THBS2: variants seen among roughly 807,000 people sequenced by gnomAD.
The protein encoded by THBS2 is thrombospondin 2.
THBS2 carries 47 observed loss-of-function variants against 135.2 expected under a neutral mutation model. The observed-to-expected ratio is 0.35, with a 90% CI of 0.28 to 0.44. THBS2 has a LOEUF of 0.44. Among genes scored for constraint, THBS2 ranks in the 20% least tolerant of loss-of-function variants. The pLI is 1.00. For synonymous variants in THBS2, 639 were observed against 633.8 expected, an observed-to-expected ratio of 1.01 and a Z score of -0.12; for missense variants, 1,288 against 1,603.1, an observed-to-expected ratio of 0.80 and a Z score of 3.36.
chr6:169,221,524 G>A lies in THBS2; in HGVS notation c.3277C>T (p.Arg1093Ter). The change falls in exon 20 of 22, where the codon CGA becomes TGA. Residue 1093 changes from arginine (R) to a stop codon, truncating the protein, a stop_gained. Transcript: ENST00000617924. LOFTEE classifies it high-confidence loss of function. ...TTCCTGGGGTCGTGCCATAAGGTTCGCACCTGAGAGAGAACATAGCACTCT... is the reference window on the plus strand; with the variant it reads ...TTCCTGGGGTCGTGCCATAAGGTTCACACCTGAGAGAGAACATAGCACTCT... ...WHTGNTPGQV[R>*]TLWHDPRNIG... 6.2e-7 allele frequency: 1 copy of A among 1,613,826 alleles called. No homozygotes were observed. Among genetic ancestry groups the A allele is most frequent in the Non-Finnish European group, 8.5e-7 (1 of 1,179,988 alleles).
At chr6:169,239,415 T>G (rs1780214317) in intron 7 of THBS2, 184 bp downstream of exon 7, 4 of 608,758 alleles carry the variant, frequency 6.6e-6, no homozygotes, top group Non-Finnish European at 1.1e-5. Flanking sequence ...TCCACACTCC[T>G]TTCTAGCCAT....
chr6:169,241,915 C>A lies in THBS2; in HGVS notation c.738G>T (p.Leu246=), dbSNP rs754237482. 6.3e-5 allele frequency: 101 copies of A among 1,611,772 alleles called. 5 individuals carry two copies. In the South Asian group the frequency reaches 1.1e-3, roughly 18 times the overall value. Residue 246 remains leucine, a synonymous_variant, in exon 5 of 22, where the codon CTG becomes CTT. Transcript: ENST00000617924. The surrounding 1 kb of genome is among the most constrained non-coding windows in gnomAD (Gnocchi z 5.5). ...AISENTETLR[L]GPHVTTEYVG... is the part of the protein sequence containing the mutation. ...CGTACTCGGTGGTGACATGCGGACC[C>A]AGGCGCAGCGTCTCTGTGTTCTCAC... is the stretch of plus-strand genomic sequence containing the variant.
intron 4 of THBS2, among the ~76,000 whole-genome samples, chr6:169,243,188 TC>T (rs1169557604): frequency 3.3e-5 from 3 of 89,824 alleles, no homozygotes; most frequent in East Asian, 4.1e-4. Context: ...CCTTCCCACC[TC>T]TCCCACCTTC....
Position 169,248,568 on chromosome 6 carries a change from G to A in THBS2, c.458C>T (p.Thr153Ile). The change falls in exon 3 of 22, where the codon ACC becomes ATC. Residue 153 changes from threonine to isoleucine, a missense_variant. By Grantham distance (89) the Thr-to-Ile change is moderately conservative. Around this residue, in one of 2 missense-constraint regions of THBS2, gnomAD observed 414 missense variants for 447.0 expected, o/e 0.93. Coordinates refer to ENST00000617924, the MANE Select transcript of THBS2 (RefSeq NM_003247.5). Reference protein sequence around the residue: ...GLADSQWKNVTVQVAGETYSL... With the variant: ...GLADSQWKNVIVQVAGETYSL... The stretch of plus-strand genomic sequence containing the variant: ...GTAGGTCTCGCCAGCCACCTGCACG[G>A]TGACGTTCTTCCACTGCGAGTCAGC... 6.2e-7 allele frequency: 1 copy of A among 1,614,006 alleles called. No homozygotes were observed.
At chr6:169,223,513 A>G (rs1329147534) in intron 17 of THBS2, 38 bp from the exon 18 acceptor site, 3 of 1,585,174 alleles carry the variant, frequency 1.9e-6, no homozygotes, top group South Asian at 2.2e-5. Context: ...AAACAAAAAC[A>G]AAGAAGCAAA....
In THBS2 at chr6:169,241,633, G is replaced by C; in HGVS notation, c.891+129C>G. ...GAGGAGCCCGGCAGACACCTCCCCTGTGAACTGTGGGTTTTTACATCGAGC... is the reference window on the plus strand; with the variant it reads ...GAGGAGCCCGGCAGACACCTCCCCTCTGAACTGTGGGTTTTTACATCGAGC... On this transcript the variant is annotated intron_variant, in intron 5 of 21. Coordinates refer to ENST00000617924, the MANE Select transcript of THBS2 (RefSeq NM_003247.5). The surrounding 1 kb of genome is among the most constrained non-coding windows in gnomAD (Gnocchi z 5.5). 1 of 955,548 alleles carries C rather than the reference G, an allele frequency of 1.0e-6. No individual in the cohort carries two copies. The highest frequency in any genetic ancestry group is 1.6e-6 in the Non-Finnish European group (1 of 642,928). The allele number at this position is 955,548 out of a possible 1,614,324, so 59.2% of individuals were successfully genotyped here. A position where few individuals can be genotyped will look rare whatever the true frequency, so the allele number is the denominator to read the frequency against.
Position 169,234,834 on chromosome 6 carries a change from G to A in THBS2, c.1551C>T (p.Arg517=), listed in dbSNP as rs139715998. The A allele has an allele frequency of 1.9e-6, 3 of 1,613,128 alleles. No individual in the cohort carries two copies. The highest frequency in any genetic ancestry group is 2.7e-5 in the African/African-American group (2 of 74,904). ...GCTCAGGGCTGTTGCAGACCCGGGTGCGCTCCCGGATCCCACCGGCACAGG... is the reference window on the plus strand; with the variant it reads ...GCTCAGGGCTGTTGCAGACCCGGGTACGCTCCCGGATCCCACCGGCACAGG... The part of the protein sequence containing the change: ...TVTCAGGIRE[R]TRVCNSPEPQ... Residue 517 remains arginine (R), a synonymous_variant, in exon 10 of 22, where the codon CGC becomes CGT. Coordinates refer to ENST00000617924, the MANE Select transcript of THBS2 (RefSeq NM_003247.5).
intron 9 of THBS2, 29 bp downstream of exon 9, chr6:169,237,141 A>T: frequency 6.3e-7 from 1 of 1,581,098 alleles, no homozygotes; most frequent in Non-Finnish European, 8.6e-7. Context: ...AAGCCCGCCC[A>T]CCCAGGGCCC....
rs1197718316 is a variant in THBS2 at position 169,232,958 on chromosome 6, A to G, written c.1711T>C (p.Ser571Pro). 6.4e-7 allele frequency: 1 copy of G among 1,562,046 alleles called. No individual in the cohort carries two copies. The highest frequency in any genetic ancestry group is 8.7e-7 in the Non-Finnish European group (1 of 1,154,776). The change falls in exon 11 of 22, where the codon TCC becomes CCC. Residue 571 changes from serine to proline, a missense_variant. Around this residue, in one of 2 missense-constraint regions of THBS2, gnomAD observed 874 missense variants for 1,156.1 expected, o/e 0.76. Transcript: ENST00000617924. ...ACAGGGCAGGAGCCGCATGACCAGG[A>G]CCCATCGGGGAAGCTGCTGCACTGG... Reference protein sequence around the residue: ...GAQCSSFPDGSWSCGSCPVGF... With the variant: ...GAQCSSFPDGPWSCGSCPVGF...
intron 4 of THBS2, among the ~76,000 whole-genome samples, chr6:169,242,252 G>A (rs1780334951): frequency 6.6e-6 from 1 of 152,108 alleles, no homozygotes; most frequent in South Asian, 2.1e-4. Context: ...TAGCTCAGGA[G>A]TGGGGAGACG....
intron 4 of THBS2, 112 bp downstream of exon 4, chr6:169,246,084 CT>C (rs1780544829): frequency 3.7e-6 from 3 of 815,534 alleles, no homozygotes; most frequent in Admixed American, 4.9e-5. Flanking sequence ...AATATTTTTA[CT>C]TAAATTTTTA....
chr6:169,225,062 A>C (rs1479030672), intron 17 of THBS2, 83 bp downstream of exon 17: 16 of 1,320,602 alleles, frequency 1.2e-5, no homozygotes, highest in Non-Finnish European at 1.6e-5. Context: ...ATTTAAGATG[A>C]TCTCCGTGCA....
chr6:169,242,591 C>T (rs1399826905), intron 4 of THBS2, among the ~76,000 whole-genome samples: 3 of 113,294 alleles, frequency 2.6e-5, no homozygotes, highest in African/African-American at 6.5e-5. Flanking sequence ...CAAATTCCCA[C>T]CTTCCCACAT....
At chr6:169,248,257 G>A (rs1780625561) in intron 3 of THBS2, among the ~76,000 whole-genome samples, 160 bp downstream of exon 3, 1 of 152,170 alleles carries the variant, frequency 6.6e-6, no homozygotes, top group Non-Finnish European at 1.5e-5. Context: ...TGCATGTGGT[G>A]TGTGCACGCA....
chr6:169,234,778 T>A lies in THBS2; in HGVS notation c.1607A>T (p.Asp536Val). 1 of 1,605,540 alleles carries A rather than the reference T, an allele frequency of 6.2e-7. No homozygotes were observed. The highest frequency in any genetic ancestry group is 2.3e-5 in the East Asian group (1 of 44,294). The change falls in exon 10 of 22, where the codon GAT becomes GTT. Residue 536 changes from aspartate (D) to valine (V), a missense_variant. This residue lies in a region of THBS2 where 874 missense variants were observed against 1,156.1 expected (regional missense o/e 0.76). Transcript: ENST00000617924. ...PQYGGKACVG[D>V]VQERQMCNKR... ...GTTGCACATCTGACGCTCCTGCACATCCCCCACGCAGGCCTTCCCTCCGTA... is the reference window on the plus strand; with the variant it reads ...GTTGCACATCTGACGCTCCTGCACAACCCCCACGCAGGCCTTCCCTCCGTA...
chr6:169,237,761 T>A lies in THBS2; in HGVS notation c.1164A>T (p.Ala388=). The A allele has an allele frequency of 6.2e-7, 1 of 1,611,804 alleles. No individual in the cohort carries two copies. The highest frequency in any genetic ancestry group is 8.5e-7 in the Non-Finnish European group (1 of 1,179,948). ...ACGTCACGGAGCACTGGGTCCACTC[T>A]GCCCACGGAGACCAGCCCTCCTCAC... ...VDGEEGWSPW[A]EWTQCSVTCG... Residue 388 remains alanine, a synonymous_variant, in exon 8 of 22, where the codon GCA becomes GCT. Transcript: ENST00000617924.
chr6:169,227,807 C>T (rs960790634), intron 15 of THBS2, among the ~76,000 whole-genome samples: 3 of 152,192 alleles, frequency 2.0e-5, no homozygotes, highest in Admixed American at 1.3e-4. Context: ...TTGGGCCGGG[C>T]GCGGTGGCTC....
At chr6:169,249,608 T>C (rs1583423020) in intron 2 of THBS2, among the ~76,000 whole-genome samples, 1 of 152,242 alleles carries the variant, frequency 6.6e-6, no homozygotes. Context: ...ATTCTCCAAC[T>C]CTTAATGCAC....
intron 21 of THBS2, 129 bp downstream of exon 21, chr6:169,220,069 G>A (rs942509976): frequency 2.7e-5 from 32 of 1,176,492 alleles, no homozygotes; most frequent in African/African-American, 1.1e-4. Context: ...GGGGGCTCAT[G>A]TGTGGTATTG....
Sources: allele counts gnomAD v4.1 joint callset (sites outside exome capture counted in the v4.1 genomes callset), GRCh38; gene constraint gnomAD v4.1.1; regional missense constraint gnomAD v4.1.1; non-coding constraint Gnocchi (gnomAD v3.1); transcripts MANE v1.5; gene names NCBI Gene and HGNC (gene_info 2026-07-23, HGNC 2026-07-21).